The following SEL1L2 variants were observed in gnomAD, a reference collection of about 807,000 sequenced individuals.
SEL1L2 encodes the protein SEL1L2 adaptor subunit of SYVN1 ubiquitin ligase, also known as protein sel-1 homolog 2.
In SEL1L2, 89 loss-of-function variants were observed where a neutral mutation model predicts 98.8. The ratio of observed to expected loss-of-function variants is 0.90; its 90% CI spans 0.76 to 1.07. The LOEUF is 1.07. SEL1L2 is among the 50% of genes least tolerant of loss of function. The pLI is 0.00. For synonymous variants in SEL1L2, 262 were observed against 278.5 expected (o/e 0.94, Z 0.59); for missense variants, 788 against 812.0 (o/e 0.97, Z 0.36).
intron 1 of SEL1L2, among the ~76,000 whole-genome samples, chr20:13,986,925 C>T (rs1202593989): frequency 6.6e-6 from 1 of 152,140 alleles, no homozygotes; most frequent in Non-Finnish European, 1.5e-5. Context: ...CTCCGCCTCC[C>T]GGGTTCAAGC....
intron 5 of SEL1L2, among the ~76,000 whole-genome samples, chr20:13,904,681 C>T (rs190302458): frequency 7.2e-5 from 11 of 152,202 alleles, no homozygotes; most frequent in Admixed American, 5.2e-4. Context: ...TCCTCTCACC[C>T]TTGTAACGTA....
intron 14 of SEL1L2, among the ~76,000 whole-genome samples, chr20:13,869,260 C>T (rs980105714): frequency 2.0e-5 from 3 of 152,094 alleles, no homozygotes; most frequent in Admixed American, 6.5e-5. Flanking sequence ...GGGATGTGCA[C>T]GGGATATCGC....
intron 5 of SEL1L2, among the ~76,000 whole-genome samples, chr20:13,890,467 A>G (rs1289566850): frequency 2.0e-5 from 3 of 152,228 alleles, no homozygotes; most frequent in African/African-American, 7.2e-5. Context: ...CATCCCCAGA[A>G]AAGGTTCAAG....
chr20:13,987,862 T>C (rs897882980), intron 1 of SEL1L2, among the ~76,000 whole-genome samples: 1 of 152,246 alleles, frequency 6.6e-6, no homozygotes, highest in Non-Finnish European at 1.5e-5. Context: ...AGGTTCTTTG[T>C]ATACTCTGAA....
At chr20:13,944,584 T>C (rs994047021) in intron 2 of SEL1L2, among the ~76,000 whole-genome samples, 6 of 152,008 alleles carry the variant, frequency 3.9e-5, no homozygotes, top group African/African-American at 1.2e-4. Context: ...AAATCAAGAG[T>C]TCAGTAGTCA....
chr20:13,863,438 G>A (rs547823498), intron 17 of SEL1L2, among the ~76,000 whole-genome samples: 5 of 152,232 alleles, frequency 3.3e-5, no homozygotes, highest in East Asian at 1.9e-4. Context: ...TTTCCACTTC[G>A]ATTTCACAGT....
chr20:13,981,534 T>C (rs2051832038), intron 1 of SEL1L2, among the ~76,000 whole-genome samples: 1 of 152,204 alleles, frequency 6.6e-6, no homozygotes, highest in Admixed American at 6.5e-5. Flanking sequence ...CATATACATA[T>C]ATCAAAACAT....
At chr20:13,899,907 G>A (rs981109337) in intron 5 of SEL1L2, among the ~76,000 whole-genome samples, 1 of 151,984 alleles carries the variant, frequency 6.6e-6, no homozygotes, top group Non-Finnish European at 1.5e-5. Flanking sequence ...TTTTCAATTC[G>A]CTAAAATTTT....
chr20:13,875,113 T>C (rs2046375885), intron 12 of SEL1L2, among the ~76,000 whole-genome samples: 1 of 152,190 alleles, frequency 6.6e-6, no homozygotes, highest in Non-Finnish European at 1.5e-5. Context: ...CTGTCTGGGA[T>C]GTGCTTCGAA....
intron 1 of SEL1L2, among the ~76,000 whole-genome samples, chr20:13,971,873 T>G (rs2051300208): frequency 6.6e-6 from 1 of 152,210 alleles, no homozygotes; most frequent in Non-Finnish European, 1.5e-5. Flanking sequence ...TTTTAAAACC[T>G]TCTTTCAGGT....
At chr20:13,989,529 C>T (rs1160553125) in intron 1 of SEL1L2, among the ~76,000 whole-genome samples, 1 of 152,234 alleles carries the variant, frequency 6.6e-6, no homozygotes, top group Non-Finnish European at 1.5e-5. Context: ...CAAAAGTGGA[C>T]ATCCTTGTCT....
intron 1 of SEL1L2, among the ~76,000 whole-genome samples, chr20:13,981,627 T>C (rs1447469356): frequency 6.6e-6 from 1 of 152,166 alleles, no homozygotes; most frequent in Non-Finnish European, 1.5e-5. Flanking sequence ...AAGTCTAAGA[T>C]ATGAAGATGT....
upstream of SEL1L2, among the ~76,000 whole-genome samples, chr20:13,993,670 T>C (rs1601085046): frequency 6.6e-6 from 1 of 152,248 alleles, no homozygotes; most frequent in South Asian, 2.1e-4. Context: ...AGGGAAGGTG[T>C]CTAGTATGAT....
chr20:13,862,517 C>T (rs955861501), intron 17 of SEL1L2, among the ~76,000 whole-genome samples: 1 of 152,088 alleles, frequency 6.6e-6, no homozygotes, highest in Admixed American at 6.5e-5. Context: ...CTCATTTGGC[C>T]CTAATGTAGT....
intron 5 of SEL1L2, among the ~76,000 whole-genome samples, chr20:13,903,971 G>T (rs2047804337): frequency 6.6e-6 from 1 of 152,148 alleles, no homozygotes; most frequent in Admixed American, 6.5e-5. Context: ...TAGTTCATGA[G>T]AACATCATGT....
intron 10 of SEL1L2, among the ~76,000 whole-genome samples, chr20:13,880,995 T>C (rs905698799): frequency 6.6e-6 from 1 of 152,194 alleles, no homozygotes; most frequent in Non-Finnish European, 1.5e-5. Context: ...AATGTACTGT[T>C]CTAAAAACAT....
intron 5 of SEL1L2, among the ~76,000 whole-genome samples, chr20:13,912,037 C>T (rs1160585336): frequency 1.3e-5 from 2 of 152,064 alleles, no homozygotes; most frequent in Non-Finnish European, 2.9e-5. Context: ...CCTCATTCAA[C>T]TTATAATTCT....
At chr20:13,864,146 G>A (rs1431094163) in intron 17 of SEL1L2, among the ~76,000 whole-genome samples, 1 of 152,060 alleles carries the variant, frequency 6.6e-6, no homozygotes, top group Non-Finnish European at 1.5e-5. Context: ...TGCGGGTATT[G>A]TTTCCCCACT....
intron 5 of SEL1L2, among the ~76,000 whole-genome samples, chr20:13,892,330 A>G (rs2047239196): frequency 6.6e-6 from 1 of 152,002 alleles, no homozygotes; most frequent in South Asian, 2.1e-4. Flanking sequence ...GGCACCTGTA[A>G]TCCCAGCTAC....
Sources: allele counts gnomAD v4.1 joint callset (sites outside exome capture counted in the v4.1 genomes callset), GRCh38; gene constraint gnomAD v4.1.1; transcripts MANE v1.5; gene names NCBI Gene and HGNC (gene_info 2026-07-23, HGNC 2026-07-21).